The following LINGO2 variants were observed in gnomAD, a reference collection of about 807,000 sequenced individuals.
LINGO2 encodes leucine-rich repeat and immunoglobulin-like domain-containing nogo receptor-interacting protein 2.
LINGO2 carries 14 observed loss-of-function variants against 30.6 expected under a neutral mutation model. The ratio of observed to expected loss-of-function variants is 0.46; its 90% CI spans 0.30 to 0.72. The LOEUF is 0.72. Among genes scored for constraint, LINGO2 ranks in the 30% least tolerant of loss-of-function variants. The pLI, the probability that LINGO2 is intolerant of heterozygous loss-of-function variation, is 0.07. For missense variants in LINGO2, 729 were observed against 751.7 expected (o/e 0.97, Z 0.35); for synonymous variants, 317 against 288.5 (o/e 1.10, Z -1.00).
At chr9:28,818,914 T>C in the LINGO2 span, among the ~76,000 whole-genome samples, 25 of 152,358 alleles carry the variant, frequency 1.6e-4, no homozygotes, top group African/African-American at 6.0e-4. Flanking sequence ...GAGTGTTTTG[T>C]TTGTTTTCTT....
chr9:28,572,811 G>T (rs1823764527), intron 1 of LINGO2, among the ~76,000 whole-genome samples: 1 of 152,056 alleles, frequency 6.6e-6, no homozygotes, highest in Non-Finnish European at 1.5e-5. Context: ...AATAACCTCT[G>T]CAAGCTAAAT....
chr9:29,140,594 G>C, the LINGO2 span, among the ~76,000 whole-genome samples: 2 of 148,508 alleles, frequency 1.3e-5, no homozygotes, highest in South Asian at 2.1e-4. Flanking sequence ...GAAGGGAAAG[G>C]GGAAGAAAAC....
At chr9:28,123,127 T>C (rs1369108781) in intron 4 of LINGO2, among the ~76,000 whole-genome samples, 1 of 152,152 alleles carries the variant, frequency 6.6e-6, no homozygotes, top group Admixed American at 6.5e-5. Flanking sequence ...GAACCAAAAA[T>C]TTGAGAGGAT....
the LINGO2 span, among the ~76,000 whole-genome samples, chr9:28,738,008 T>TA: frequency 1.3e-5 from 2 of 152,098 alleles, no homozygotes. Flanking sequence ...TCTCAGCAAC[T>TA]AAAAAATGTG....
chr9:28,438,541 G>A (rs1240019327), intron 2 of LINGO2, among the ~76,000 whole-genome samples: 2 of 152,108 alleles, frequency 1.3e-5, no homozygotes, highest in African/African-American at 4.8e-5. Context: ...TGGTTCGTCA[G>A]TTTGCAGAAT....
chr9:28,708,642 G>A, the LINGO2 span, among the ~76,000 whole-genome samples: 3 of 152,104 alleles, frequency 2.0e-5, no homozygotes, highest in Admixed American at 6.6e-5. Flanking sequence ...GAGAAAGCCA[G>A]TCTTTCCAAC....
At chr9:28,735,450 T>C in the LINGO2 span, among the ~76,000 whole-genome samples, 4 of 152,174 alleles carry the variant, frequency 2.6e-5, no homozygotes, top group African/African-American at 9.7e-5. Context: ...CCTTTCTCCT[T>C]TTAAGTATAC....
intron 1 of LINGO2, among the ~76,000 whole-genome samples, chr9:28,575,387 A>G (rs1489873362): frequency 7.7e-6 from 1 of 129,896 alleles, no homozygotes; most frequent in East Asian, 2.2e-4. Flanking sequence ...TGACAGACAG[A>G]CTCCGTCTCA....
chr9:27,983,212 G>A (rs573536593), intron 5 of LINGO2, among the ~76,000 whole-genome samples: 14 of 151,980 alleles, frequency 9.2e-5, no homozygotes, highest in African/African-American at 2.9e-4. Flanking sequence ...CATCTTAGAA[G>A]CTCTATGAAT....
chr9:28,647,835 C>T (rs1054847621), intron 1 of LINGO2, among the ~76,000 whole-genome samples: 1 of 151,608 alleles, frequency 6.6e-6, no homozygotes, highest in Non-Finnish European at 1.5e-5. Context: ...TATTATTCAA[C>T]CTGTGTCAGC....
the LINGO2 span, among the ~76,000 whole-genome samples, chr9:29,182,676 G>C: frequency 7.2e-6 from 1 of 138,568 alleles, no homozygotes; most frequent in Admixed American, 7.7e-5. Flanking sequence ...AAATGAAGAA[G>C]TAAATCTGTA....
At chr9:29,006,438 A>G in the LINGO2 span, among the ~76,000 whole-genome samples, 1 of 152,016 alleles carries the variant, frequency 6.6e-6, no homozygotes, top group African/African-American at 2.4e-5. Context: ...AATTAGTCCA[A>G]ATGTTTCTAA....
intron 4 of LINGO2, among the ~76,000 whole-genome samples, chr9:28,292,633 T>G (rs2134173533): frequency 6.6e-6 from 1 of 152,028 alleles, no homozygotes; most frequent in South Asian, 2.1e-4. Context: ...CAGCTAATTT[T>G]TGTATTTTTT....
chr9:28,992,782 T>G, the LINGO2 span, among the ~76,000 whole-genome samples: 1 of 152,030 alleles, frequency 6.6e-6, no homozygotes, highest in South Asian at 2.1e-4. Context: ...CATAACGAAA[T>G]GAAGGCAGAA....
the LINGO2 span, among the ~76,000 whole-genome samples, chr9:29,059,658 A>G: frequency 6.6e-6 from 1 of 151,992 alleles, no homozygotes; most frequent in Admixed American, 6.6e-5. Flanking sequence ...ACAAATTTAC[A>G]TCTATATGGA....
intron 4 of LINGO2, among the ~76,000 whole-genome samples, chr9:28,078,593 G>A (rs905068787): frequency 3.4e-5 from 5 of 148,494 alleles, no homozygotes; most frequent in African/African-American, 5.3e-5. Context: ...GCTCATGCCC[G>A]TAATCCCAGC....
the LINGO2 span, among the ~76,000 whole-genome samples, chr9:28,714,164 A>AATATATATATATATATATATAT: frequency 2.7e-3 from 310 of 116,868 alleles, 3 homozygotes; most frequent in East Asian, 6.7e-3. Context: ...TGCCTCAAAT[A>AATATATATATATATATATATAT]ATATATATAT....
At chr9:28,733,059 T>A in the LINGO2 span, among the ~76,000 whole-genome samples, 1 of 152,314 alleles carries the variant, frequency 6.6e-6, no homozygotes. Context: ...AGAAATACTT[T>A]AAAAACCTGT....
At chr9:28,884,998 A>G in the LINGO2 span, among the ~76,000 whole-genome samples, 3 of 57,616 alleles carry the variant, frequency 5.2e-5, no homozygotes, top group South Asian at 2.0e-3. Flanking sequence ...ATAATATATT[A>G]TATATATATA....
Sources: gnomAD v4.1 joint callset for allele counts (sites outside exome capture counted in the v4.1 genomes callset) on GRCh38, gnomAD v4.1.1 for gene constraint, MANE v1.5 for transcripts, NCBI Gene and HGNC (gene_info 2026-07-23, HGNC 2026-07-21) for gene names.